Variants in NRDE2 observed in about 807,000 individuals in gnomAD.
NRDE2 encodes NRDE-2, necessary for RNA interference, domain containing.
A neutral mutation model predicts 124.2 loss-of-function variants in NRDE2; 76 were observed. That is an observed-to-expected ratio of 0.61 (90% CI 0.51 to 0.74). NRDE2 has a LOEUF of 0.74. Ranked by LOEUF, NRDE2 falls within the 30% of genes least tolerant of loss-of-function variation. NRDE2 has a pLI of 0.00. For missense variants in NRDE2, 1,314 were observed against 1,417.3 expected, an observed-to-expected ratio of 0.93 and a Z score of 1.17; for synonymous variants, 489 against 528.1, an observed-to-expected ratio of 0.93 and a Z score of 1.01.
At chr14:90,309,621 G>A (rs1327310190) in intron 4 of NRDE2, among the ~76,000 whole-genome samples, 1 of 152,126 alleles carries the variant, frequency 6.6e-6, no homozygotes, top group Non-Finnish European at 1.5e-5. Flanking sequence ...ACAGATTCAA[G>A]TGCTGCCTCC....
chr14:90,324,968 C>A (rs890986261), intron 1 of NRDE2, among the ~76,000 whole-genome samples: 1 of 151,576 alleles, frequency 6.6e-6, no homozygotes, highest in Non-Finnish European at 1.5e-5. Flanking sequence ...ACGGCGGGGA[C>A]GCTATTTTAG....
chr14:90,326,355 G>A (rs968447015), intron 1 of NRDE2, among the ~76,000 whole-genome samples: 9 of 151,892 alleles, frequency 5.9e-5, no homozygotes, highest in South Asian at 4.2e-4. Flanking sequence ...TTAGCCGGGC[G>A]CGGTGGCGGG....
At chr14:90,330,486 G>A (rs1885646755) in intron 1 of NRDE2, among the ~76,000 whole-genome samples, 1 of 152,144 alleles carries the variant, frequency 6.6e-6, no homozygotes, top group Admixed American at 6.5e-5. Flanking sequence ...AGTAAGGGAA[G>A]ACAACAATTT....
At chr14:90,301,469 C>T in intron 6 of NRDE2, 97 bp from the exon 7 acceptor site, 1 of 1,076,178 alleles carries the variant, frequency 9.3e-7, no homozygotes, top group East Asian at 2.6e-5. Flanking sequence ...ATTGAGAACA[C>T]CTTTCACCTG....
intron 6 of NRDE2, among the ~76,000 whole-genome samples, chr14:90,302,116 T>C (rs1444994482): frequency 6.6e-6 from 1 of 152,136 alleles, no homozygotes; most frequent in African/African-American, 2.4e-5. Context: ...AGGTTTATAG[T>C]ATTGTTGCTG....
intron 6 of NRDE2, 45 bp downstream of exon 6, chr14:90,302,675 A>G (rs766762810): frequency 6.7e-7 from 1 of 1,489,872 alleles, no homozygotes; most frequent in Non-Finnish European, 9.0e-7. Flanking sequence ...AAGCCAAAAG[A>G]AAGTCTAACT....
chr14:90,278,205 CATT>C lies in NRDE2; in HGVS notation c.*128_*130del, dbSNP rs1432418634. The C allele has an allele frequency of 9.1e-7, 1 of 1,097,448 alleles. No individual in the cohort carries two copies. Among genetic ancestry groups the C allele is most frequent in the Non-Finnish European group, 1.3e-6 (1 of 759,918 alleles). The allele number at this position is 1,097,448 out of a possible 1,614,324, so 68.0% of individuals were successfully genotyped here. ...CAAGATGTGAGAGGCTGGCAGCCCA[CATT>C]ATTACTATCGAGAAAGAACATTTCA... On this transcript the variant is annotated 3_prime_UTR_variant, in exon 14 of 14. Coordinates refer to ENST00000354366, the MANE Select transcript of NRDE2 (RefSeq NM_017970.4).
intron 13 of NRDE2, 43 bp from the exon 14 acceptor site, chr14:90,278,504 C>T (rs1891862866): frequency 1.2e-6 from 2 of 1,609,380 alleles, no homozygotes; most frequent in Admixed American, 1.7e-5. Context: ...GCCGCCACTT[C>T]CTGTCAGCCT....
intron 9 of NRDE2, among the ~76,000 whole-genome samples, chr14:90,291,989 C>T (rs1045691377): frequency 6.6e-6 from 1 of 152,240 alleles, no homozygotes; most frequent in Non-Finnish European, 1.5e-5. Flanking sequence ...CTCCAAGACA[C>T]AGAGTTGGTA....
At position 90,268,580 on chromosome 14, in the gene NRDE2, T is replaced by G; in HGVS notation, c.*9756A>C. On this transcript the variant is annotated 3_prime_UTR_variant, in exon 14 of 14. Coordinates refer to ENST00000354366, the MANE Select transcript of NRDE2 (RefSeq NM_017970.4). Reference sequence around the variant, plus strand: ...GCTCTCCCAGGAGCCAGCTAACAACTGCCCAGTAACTGTGAACGTCTGGAG... The same window carrying G: ...GCTCTCCCAGGAGCCAGCTAACAACGGCCCAGTAACTGTGAACGTCTGGAG... 1 of 651,730 alleles carries G rather than the reference T, an allele frequency of 1.5e-6. No individual in the cohort carries two copies. The allele number at this position is 651,730 out of a possible 1,614,324, so 40.4% of individuals were successfully genotyped here.
intron 8 of NRDE2, among the ~76,000 whole-genome samples, chr14:90,295,987 G>C (rs1307058937): frequency 6.6e-6 from 1 of 152,182 alleles, no homozygotes; most frequent in East Asian, 1.9e-4. Context: ...CCCTTTTGGA[G>C]AAAACTAACT....
chr14:90,292,657 C>A (rs1315520928), intron 9 of NRDE2, 40 bp downstream of exon 9: 13 of 1,587,958 alleles, frequency 8.2e-6, no homozygotes, highest in Non-Finnish European at 1.0e-5. Context: ...CAGGCAGGGA[C>A]CCCCTGGACA....
intron 4 of NRDE2, among the ~76,000 whole-genome samples, chr14:90,307,399 T>G (rs747133307): frequency 6.6e-6 from 1 of 152,158 alleles, no homozygotes; most frequent in Non-Finnish European, 1.5e-5. Flanking sequence ...TTTCCCTAAA[T>G]GAAGGCACTT....
chr14:90,305,831 T>C (rs1230911512), intron 4 of NRDE2, among the ~76,000 whole-genome samples: 2 of 152,196 alleles, frequency 1.3e-5, no homozygotes, highest in Non-Finnish European at 1.5e-5. Context: ...GTCAGAGTAA[T>C]ATTTCACATT....
chr14:90,288,779 C>G lies in NRDE2; in HGVS notation c.2596G>C (p.Val866Leu). ...GCTTTCAAAATGTGAACAGCCAACA[C>G]CTGTCCAGTGTAGGGCCCATAGGGG... The part of the protein sequence containing the change: ...SSPYGPYTGQ[V>L]LAVHILKARK... Residue 866 changes from valine to leucine, a missense_variant, in exon 11 of 14, where the codon GTG becomes CTG. Physicochemically the swap from Val to Leu is conservative, Grantham distance 32 (BLOSUM62 1). Coordinates refer to ENST00000354366, the MANE Select transcript of NRDE2 (RefSeq NM_017970.4). 6.2e-7 allele frequency: 1 copy of G among 1,614,116 alleles called. No individual in the cohort carries two copies. The highest frequency in any genetic ancestry group is 1.1e-5 in the South Asian group (1 of 91,080).
intron 7 of NRDE2, among the ~76,000 whole-genome samples, chr14:90,299,648 C>T (rs979002401): frequency 2.0e-5 from 3 of 152,148 alleles, no homozygotes; most frequent in African/African-American, 7.2e-5. Flanking sequence ...GGCAATGCCA[C>T]ACACGCCTGG....
chr14:90,319,669 T>A (rs1372348735), intron 1 of NRDE2, among the ~76,000 whole-genome samples: 4 of 152,238 alleles, frequency 2.6e-5, no homozygotes, highest in African/African-American at 9.6e-5. Context: ...CACTACCTCA[T>A]TCGTTTTTAT....
rs148914817 is a variant in NRDE2 at position 90,278,470 on chromosome 14, C to A, written c.3370-9G>T. 460 of 1,613,558 alleles carry A rather than the reference C, an allele frequency of 2.9e-4. 1 individual carries two copies. The African/African-American group carries it at 5.7e-3, about 20-fold the overall frequency. ...GCGTCCAGGTACAACACCTAGGGGGCAGGCAGGAAGGCCGCCCCACTCAGC... is the reference window on the plus strand; with the variant it reads ...GCGTCCAGGTACAACACCTAGGGGGAAGGCAGGAAGGCCGCCCCACTCAGC... On this transcript the variant is annotated splice_polypyrimidine_tract_variant and intron_variant, in intron 13 of 13. Coordinates refer to ENST00000354366, the MANE Select transcript of NRDE2 (RefSeq NM_017970.4).
In NRDE2 at chr14:90,291,603, C is replaced by T. The variant is rs75379423; in HGVS notation, c.1843-996G>A. Among the ~76,000 whole-genome samples the T allele has an allele frequency of 3.9e-3, 583 of 150,418 alleles. 2 individuals are homozygous for T. Among genetic ancestry groups the T allele is most frequent in the African/African-American group, 0.014 (566 of 40,554 alleles). On this transcript the variant is annotated intron_variant, in intron 9 of 13. Coordinates refer to ENST00000354366, the MANE Select transcript of NRDE2 (RefSeq NM_017970.4). ...CTCTTCTGCAGACATTCAGCTTCAGCGAGGCAAGAGGCCTCCCAGGTAAGT... is the reference window on the plus strand; with the variant it reads ...CTCTTCTGCAGACATTCAGCTTCAGTGAGGCAAGAGGCCTCCCAGGTAAGT...
Sources: allele counts gnomAD v4.1 joint callset (sites outside exome capture counted in the v4.1 genomes callset), GRCh38; gene constraint gnomAD v4.1.1; transcripts MANE v1.5; gene names NCBI Gene and HGNC (gene_info 2026-07-23, HGNC 2026-07-21).